Variants in CCDC91 observed in about 807,000 individuals in gnomAD.
The protein encoded by CCDC91 is coiled-coil domain containing 91.
A neutral mutation model predicts 63.2 loss-of-function variants in CCDC91; 48 were observed. That is an observed-to-expected ratio of 0.76 (90% CI 0.60 to 0.97). The LOEUF is 0.97. Among genes scored for constraint, CCDC91 ranks in the 50% least tolerant of loss-of-function variants. The pLI is 0.00. For synonymous variants in CCDC91, 167 were observed against 165.8 expected (o/e 1.01, Z -0.06); for missense variants, 500 against 494.6 (o/e 1.01, Z -0.10).
At chr12:28,543,246 A>T (rs1422814188) in intron 12 of CCDC91, among the ~76,000 whole-genome samples, 3 of 152,082 alleles carry the variant, frequency 2.0e-5, no homozygotes, top group Admixed American at 6.6e-5. Flanking sequence ...ATAAGCTCAC[A>T]TTCACAAGTG....
intron 3 of CCDC91, among the ~76,000 whole-genome samples, chr12:28,294,710 G>C (rs1390345284): frequency 6.6e-6 from 1 of 151,854 alleles, no homozygotes; most frequent in East Asian, 1.9e-4. Flanking sequence ...TCAGCTTCCC[G>C]AGTAGCTGGG....
intron 7 of CCDC91, among the ~76,000 whole-genome samples, chr12:28,384,673 C>T (rs578167356): frequency 1.9e-4 from 29 of 152,142 alleles, no homozygotes; most frequent in Middle Eastern, 3.4e-3. Context: ...ATCTGCTTTA[C>T]TGGGCTAGAA....
intron 11 of CCDC91, among the ~76,000 whole-genome samples, chr12:28,470,221 T>C (rs1276756786): frequency 2.0e-5 from 3 of 151,732 alleles, no homozygotes; most frequent in Admixed American, 2.0e-4. Context: ...TATAAGGAGT[T>C]CAAACAACCC....
chr12:28,391,729 A>G lies in CCDC91; in HGVS notation c.762+318A>G, dbSNP rs1299746512. Among the ~76,000 whole-genome samples, 5 of 152,314 alleles carry G rather than the reference A, an allele frequency of 3.3e-5. No individual in the cohort carries two copies. In the East Asian group the frequency reaches 9.6e-4, roughly 29 times the overall value. On this transcript the variant is annotated intron_variant, in intron 8 of 12. Coordinates refer to ENST00000536442, the MANE Select transcript of CCDC91 (RefSeq NM_018318.5). ...AGTAAATGATTTTTAGTGAGATAAG[A>G]TTTATAAATAACATTTGAATTTTTA...
intron 1 of CCDC91, among the ~76,000 whole-genome samples, chr12:28,204,752 A>G (rs1220818934): frequency 2.0e-5 from 3 of 152,212 alleles, no homozygotes; most frequent in African/African-American, 7.2e-5. Flanking sequence ...CCAAAGGCTC[A>G]CCACAGAGTT....
chr12:28,540,679 A>G (rs1210352884), intron 12 of CCDC91, among the ~76,000 whole-genome samples: 1 of 152,208 alleles, frequency 6.6e-6, no homozygotes, highest in Middle Eastern at 3.4e-3. Context: ...TTGATAATAC[A>G]TTGTAGATGT....
intron 8 of CCDC91, among the ~76,000 whole-genome samples, chr12:28,425,354 C>T (rs1007601746): frequency 1.3e-5 from 2 of 152,086 alleles, no homozygotes; most frequent in Non-Finnish European, 2.9e-5. Context: ...ACACTTTTCC[C>T]CCTTCTCACT....
intron 12 of CCDC91, among the ~76,000 whole-genome samples, chr12:28,489,740 AT>A (rs1290032665): frequency 6.6e-6 from 1 of 151,828 alleles, no homozygotes; most frequent in Non-Finnish European, 1.5e-5. Context: ...CATTGTCAGA[AT>A]TTTTTAAATA....
At chr12:28,426,451 C>T (rs1251476605) in intron 8 of CCDC91, among the ~76,000 whole-genome samples, 1 of 152,006 alleles carries the variant, frequency 6.6e-6, no homozygotes, top group Admixed American at 6.6e-5. Flanking sequence ...TGTGTTACAC[C>T]TTTTGCAATT....
intron 1 of CCDC91, among the ~76,000 whole-genome samples, chr12:28,249,319 A>G (rs564562711): frequency 6.6e-6 from 1 of 152,118 alleles, no homozygotes; most frequent in African/African-American, 2.4e-5. Flanking sequence ...CTGGGGTGGG[A>G]GGGAGGTGTT....
At chr12:28,511,578 G>T (rs1939382366) in intron 12 of CCDC91, among the ~76,000 whole-genome samples, 1 of 151,908 alleles carries the variant, frequency 6.6e-6, no homozygotes, top group African/African-American at 2.4e-5. Context: ...AAGCAAAGGT[G>T]CTGGATAGTT....
At chr12:28,353,817 A>G (rs368934717) in intron 6 of CCDC91, among the ~76,000 whole-genome samples, 1 of 152,192 alleles carries the variant, frequency 6.6e-6, no homozygotes, top group Non-Finnish European at 1.5e-5. Context: ...TTTGACACAG[A>G]GACACAGAGT....
In CCDC91 at chr12:28,395,672, G is replaced by A. The variant is rs114067662; in HGVS notation, c.762+4261G>A. ...TCTTGGAATTTTCAGGGTGATAAGA[G>A]TATCTGTGGTAGCTTCGAGATCAGC... On this transcript the variant is annotated intron_variant, in intron 8 of 12. Coordinates refer to ENST00000536442, the MANE Select transcript of CCDC91 (RefSeq NM_018318.5). Among the ~76,000 whole-genome samples, 891 of 152,264 alleles carry A rather than the reference G, an allele frequency of 5.9e-3. 8 individuals are homozygous for A. Among genetic ancestry groups the A allele is most frequent in the African/African-American group, 0.021 (865 of 41,556 alleles).
intron 3 of CCDC91, among the ~76,000 whole-genome samples, chr12:28,269,712 A>C (rs1285875349): frequency 2.0e-5 from 3 of 152,170 alleles, no homozygotes; most frequent in Non-Finnish European, 4.4e-5. Flanking sequence ...AATATCAATA[A>C]AACATGATTT....
intron 8 of CCDC91, among the ~76,000 whole-genome samples, chr12:28,404,165 T>A (rs752048578): frequency 4.8e-4 from 73 of 152,206 alleles, no homozygotes; most frequent in Middle Eastern, 3.4e-3. Context: ...ATTTTAAATT[T>A]TCCTCTAAGC....
At chr12:28,302,758 T>C (rs954887911) in intron 3 of CCDC91, 6 of 366,234 alleles carry the variant, frequency 1.6e-5, no homozygotes, top group African/African-American at 1.3e-4. Context: ...TTTAAGATGA[T>C]GGGCAAGCTT....
At chr12:28,271,626 G>T (rs1947772484) in intron 3 of CCDC91, among the ~76,000 whole-genome samples, 1 of 151,182 alleles carries the variant, frequency 6.6e-6, no homozygotes, top group African/African-American at 2.4e-5. Context: ...ATTGCTTTTT[G>T]GCCAAAGAAA....
intron 7 of CCDC91, among the ~76,000 whole-genome samples, chr12:28,383,865 C>T (rs1945442157): frequency 6.6e-6 from 1 of 152,088 alleles, no homozygotes; most frequent in Non-Finnish European, 1.5e-5. Flanking sequence ...ATTATTGGTT[C>T]ACTGATCTGA....
intron 11 of CCDC91, among the ~76,000 whole-genome samples, chr12:28,480,422 T>G (rs1355229324): frequency 6.6e-6 from 1 of 152,068 alleles, no homozygotes; most frequent in Non-Finnish European, 1.5e-5. Context: ...ATTTATATTT[T>G]ATTTTCACAA....
Sources: gnomAD v4.1 joint callset for allele counts (sites outside exome capture counted in the v4.1 genomes callset) on GRCh38, gnomAD v4.1.1 for gene constraint, MANE v1.5 for transcripts, NCBI Gene and HGNC (gene_info 2026-07-23, HGNC 2026-07-21) for gene names.